Variants in OTUD5 observed in about 807,000 individuals in gnomAD.
OTUD5 encodes OTU domain-containing protein 5.
Under a neutral mutation model 36.3 loss-of-function variants are expected in OTUD5, and 2 were observed. The ratio of observed to expected loss-of-function variants is 0.06; its 90% CI spans 0.02 to 0.17. The LOEUF is 0.17. Ranked by LOEUF, OTUD5 falls within the 10% of genes least tolerant of loss-of-function variation. The pLI, the probability that OTUD5 is intolerant of heterozygous loss-of-function variation, is 1.00. For missense variants in OTUD5, 233 were observed against 512.3 expected, an observed-to-expected ratio of 0.45 and a Z score of 5.26; for synonymous variants, 234 against 214.9, an observed-to-expected ratio of 1.09 and a Z score of -0.78.
intron 1 of OTUD5, among the ~76,000 whole-genome samples, chrX:48,952,055 TAAAAAA>T (rs1272381275): frequency 9.8e-6 from 1 of 101,645 alleles, no homozygotes; most frequent in Non-Finnish European, 2.0e-5. Context: ...GACTCCACCT[TAAAAAA>T]AAAACAAAAA....
chrX:48,929,917 G>C (rs2063726191), intron 5 of OTUD5, among the ~76,000 whole-genome samples: 1 of 109,422 alleles, frequency 9.1e-6, no homozygotes, highest in East Asian at 2.9e-4. Context: ...TCCTGGCTAA[G>C]ACGGTGAAAC....
chrX:48,944,758 C>T (rs1465721484), intron 1 of OTUD5, among the ~76,000 whole-genome samples: 3 of 112,526 alleles, frequency 2.7e-5, no homozygotes, highest in Non-Finnish European at 5.6e-5. Context: ...CATGGTGGCT[C>T]ACACCTGTAA....
chrX:48,926,082 A>G, intron 5 of OTUD5, 32 bp from the exon 6 acceptor site: 6 of 1,118,086 alleles, frequency 5.4e-6, no homozygotes, highest in Non-Finnish European at 7.4e-6. Flanking sequence ...GGGATGTGCA[A>G]TAACACACTG....
intron 6 of OTUD5, 70 bp from the exon 7 acceptor site, chrX:48,924,122 T>C (rs782771171): frequency 2.4e-5 from 24 of 1,002,753 alleles, no homozygotes; most frequent in Non-Finnish European, 1.2e-5. Context: ...CATCCCTGAA[T>C]GCTGGCTCCC....
At chrX:48,948,263 C>A (rs995986070) in intron 1 of OTUD5, among the ~76,000 whole-genome samples, 1 of 112,376 alleles carries the variant, frequency 8.9e-6, no homozygotes, top group Non-Finnish European at 1.9e-5. Flanking sequence ...ACAGGAGAAT[C>A]GCTTGAACTC....
rs1450285105 is a variant in OTUD5 at position 48,922,382 on chromosome X, A to C, written c.*792T>G. On this transcript the variant is annotated 3_prime_UTR_variant, in exon 9 of 9. Coordinates refer to ENST00000376488, the MANE Select transcript of OTUD5 (RefSeq NM_001136157.2). ...TGACCCCCACCCCAAGATTCCAAAG[A>C]AGCTAGTGGTGGTGGAAGCAAAAGG... is the stretch of plus-strand genomic sequence containing the variant. 1 of 223,858 alleles carries C rather than the reference A, an allele frequency of 4.5e-6. No homozygotes were observed. Among genetic ancestry groups the C allele is most frequent in the Non-Finnish European group, 6.4e-6 (1 of 155,490 alleles). The allele number at this position is 223,858 out of a possible 1,213,427, so 18.4% of individuals were successfully genotyped here. A position where few individuals can be genotyped will look rare whatever the true frequency, so the allele number is the denominator to read the frequency against.
chrX:48,957,562 T>G lies in OTUD5; in HGVS notation c.9A>C (p.Ile3=). The G allele has an allele frequency of 1.2e-6, 1 of 813,164 alleles. No individual in the cohort carries two copies. The highest frequency in any genetic ancestry group is 1.5e-6 in the Non-Finnish European group (1 of 671,402). The allele number at this position is 813,164 out of a possible 1,213,427, so 67.0% of individuals were successfully genotyped here. ...GAGGCGGCGGCTTCTTTTTGGGGAG[T>G]ATAGTCATGGCTGCACTGCCGAGTA... MT[I]LPKKKPPPPD... is the part of the protein sequence containing the mutation. The change falls in exon 1 of 9, where the codon ATA becomes ATC. Residue 3 remains isoleucine (I), a synonymous_variant. Transcript: ENST00000376488.
At chrX:48,934,313 A>G in intron 5 of OTUD5, 151 bp downstream of exon 5, 1 of 461,863 alleles carries the variant, frequency 2.2e-6, no homozygotes. Context: ...ACCTTAAGTA[A>G]CTCCCTATTT....
At chrX:48,950,814 G>A (rs1301146397) in intron 1 of OTUD5, among the ~76,000 whole-genome samples, 3 of 109,731 alleles carry the variant, frequency 2.7e-5, no homozygotes, top group Non-Finnish European at 5.7e-5. Flanking sequence ...CACCCGCCTC[G>A]GCCTCCCAAA....
chrX:48,955,882 G>T (rs1206975928), intron 1 of OTUD5, among the ~76,000 whole-genome samples: 1 of 111,689 alleles, frequency 9.0e-6, no homozygotes, highest in African/African-American at 3.3e-5. Flanking sequence ...TTGAGAAGAA[G>T]GATCTCCTAA....
intron 1 of OTUD5, among the ~76,000 whole-genome samples, chrX:48,956,454 T>C (rs781823251): frequency 1.8e-5 from 2 of 111,314 alleles, no homozygotes; most frequent in East Asian, 5.7e-4. Flanking sequence ...CGGGAGAGGA[T>C]TGTCCTATAT....
chrX:48,953,722 C>T (rs1204554050), intron 1 of OTUD5, among the ~76,000 whole-genome samples: 1 of 111,353 alleles, frequency 9.0e-6, no homozygotes, highest in Non-Finnish European at 1.9e-5. Context: ...AGCAAGGCAG[C>T]CATGCCTGGG....
chrX:48,926,070 C>G lies in OTUD5; in HGVS notation c.1060-20G>C. 8.6e-7 allele frequency: 1 copy of G among 1,157,077 alleles called. No individual in the cohort carries two copies. Among genetic ancestry groups the G allele is most frequent in the Non-Finnish European group, 1.2e-6 (1 of 848,412 alleles). On this transcript the variant is annotated intron_variant, in intron 5 of 8. Coordinates refer to ENST00000376488, the MANE Select transcript of OTUD5 (RefSeq NM_001136157.2). ...TGCAAACTGCAAGGAGGGAGAGGAA[C>G]AGGGATGTGCAATAACACACTGAAC...
chrX:48,945,936 C>G (rs1246669814), intron 1 of OTUD5, among the ~76,000 whole-genome samples: 1 of 111,044 alleles, frequency 9.0e-6, no homozygotes, highest in Non-Finnish European at 1.9e-5. Context: ...TCCTGGGCCC[C>G]TCACGCCCTC....
chrX:48,949,915 G>A (rs2064103860), intron 1 of OTUD5, among the ~76,000 whole-genome samples: 1 of 110,305 alleles, frequency 9.1e-6, no homozygotes, highest in East Asian at 2.9e-4. Context: ...TTGGGAGGCC[G>A]AGGCGGGTGG....
chrX:48,957,448 G>A lies in OTUD5; in HGVS notation c.123C>T (p.Gly41=). 1.0e-6 allele frequency: 1 copy of A among 987,470 alleles called. No individual in the cohort carries two copies. The highest frequency in any genetic ancestry group is 1.3e-6 in the Non-Finnish European group (1 of 784,093). The allele number at this position is 987,470 out of a possible 1,213,427, so 81.4% of individuals were successfully genotyped here. A position where few individuals can be genotyped will look rare whatever the true frequency, so the allele number is the denominator to read the frequency against. Residue 41 remains glycine (G), a synonymous_variant, in exon 1 of 9, where the codon GGC becomes GGT. Transcript: ENST00000376488. The stretch of plus-strand genomic sequence containing the variant: ...GATCGCCGCCGCCCACGCCCGTGCC[G>A]CCGCCGCCCACGCCCACACCTCCGC... The part of the protein sequence containing the change: ...RRGGGVGVGG[G]GTGVGGGDRD...
At chrX:48,957,894 CAG>C, upstream of OTUD5, 1 of 676,529 alleles carries the variant, frequency 1.5e-6, no homozygotes, top group South Asian at 7.3e-5. Flanking sequence ...TCAAAGGAAA[CAG>C]AACCAAAACA....
intron 1 of OTUD5, among the ~76,000 whole-genome samples, chrX:48,950,731 T>C (rs2064125275): frequency 9.3e-6 from 1 of 108,094 alleles, no homozygotes; most frequent in Admixed American, 1.0e-4. Flanking sequence ...ACCCAGCTAA[T>C]TTTTATATTT....
chrX:48,942,285 A>ACACAC (rs2063944359), intron 2 of OTUD5, among the ~76,000 whole-genome samples: 1 of 87,093 alleles, frequency 1.1e-5, no homozygotes. Context: ...ACACACAGAG[A>ACACAC]ACAGCTAGCT....
Sources: gnomAD v4.1 joint callset for allele counts (sites outside exome capture counted in the v4.1 genomes callset) on GRCh38, gnomAD v4.1.1 for gene constraint, MANE v1.5 for transcripts, NCBI Gene and HGNC (gene_info 2026-07-23, HGNC 2026-07-21) for gene names.